The following GABRR2 variants were observed in gnomAD, a reference collection of about 807,000 sequenced individuals.
GABRR2 encodes gamma-aminobutyric acid receptor subunit rho-2.
A neutral mutation model predicts 47.0 loss-of-function variants in GABRR2; 36 were observed. That is an observed-to-expected ratio of 0.77 (90% CI 0.59 to 1.01). The LOEUF (loss-of-function observed/expected upper bound fraction) is 1.01, where lower values mean the gene tolerates loss of function less well. Among genes scored for constraint, GABRR2 ranks in the 50% least tolerant of loss-of-function variants. The pLI, the probability that GABRR2 is intolerant of heterozygous loss-of-function variation, is 0.00. For missense variants in GABRR2, 587 were observed against 594.6 expected (o/e 0.99, Z 0.13); for synonymous variants, 204 against 227.5 (o/e 0.90, Z 0.93).
At chr6:89,265,835 C>G in intron 6 of GABRR2, 70 bp from the exon 7 acceptor site, 1 of 1,493,352 alleles carries the variant, frequency 6.7e-7, no homozygotes, top group Non-Finnish European at 9.2e-7. Flanking sequence ...CCCTGGGAAC[C>G]CGTCTTTCAC....
At chr6:89,280,251 T>TATACATAC (rs1774236240) in intron 2 of GABRR2, among the ~76,000 whole-genome samples, 1 of 102,986 alleles carries the variant, frequency 9.7e-6, no homozygotes, top group Non-Finnish European at 2.1e-5. Context: ...TATATATATA[T>TATACATAC]ATACATACAT....
intron 1 of GABRR2, among the ~76,000 whole-genome samples, chr6:89,311,433 C>G (rs1280586869): frequency 6.6e-6 from 1 of 152,160 alleles, no homozygotes; most frequent in African/African-American, 2.4e-5. Flanking sequence ...GATCCTGAGC[C>G]TTGGGCTATT....
At chr6:89,278,001 A>G (rs966760438) in intron 2 of GABRR2, among the ~76,000 whole-genome samples, 1 of 152,254 alleles carries the variant, frequency 6.6e-6, no homozygotes, top group Non-Finnish European at 1.5e-5. Context: ...CAGAAGACAT[A>G]CACAAAAATA....
At chr6:89,260,519 G>A (rs1415836564) in intron 8 of GABRR2, among the ~76,000 whole-genome samples, 1 of 152,204 alleles carries the variant, frequency 6.6e-6, no homozygotes, top group East Asian at 1.9e-4. Flanking sequence ...GGGGAGGTAA[G>A]CCCTGGGCTC....
rs781571990 is a variant in GABRR2, at chr6:89,271,722, C to G, written c.221G>C (p.Gly74Ala). ...HDFSMRPAFG[G>A]PAIPVGVDVQ... ...GTCCACGCCCACCGGGATGGCAGGGCCTGCAGAAGAGCAGAGACAGCTGGT... is the reference window on the plus strand; with the variant it reads ...GTCCACGCCCACCGGGATGGCAGGGGCTGCAGAAGAGCAGAGACAGCTGGT... Residue 74 changes from glycine to alanine, a missense_variant and splice_region_variant, in exon 3 of 9, where the codon GGC becomes GCC. Gly to Ala is a moderately conservative substitution (Grantham distance 60, BLOSUM62 0). Coordinates refer to ENST00000402938, the MANE Select transcript of GABRR2 (RefSeq NM_002043.5). 6.2e-7 allele frequency: 1 copy of G among 1,611,486 alleles called. No individual in the cohort carries two copies. Among genetic ancestry groups the G allele is most frequent in the Non-Finnish European group, 8.5e-7 (1 of 1,178,824 alleles).
At chr6:89,289,775 G>A (rs144110088) in intron 2 of GABRR2, among the ~76,000 whole-genome samples, 1 of 152,266 alleles carries the variant, frequency 6.6e-6, no homozygotes, top group African/African-American at 2.4e-5. Flanking sequence ...CCTGAGGCTG[G>A]GTAATTTATA....
intron 1 of GABRR2, among the ~76,000 whole-genome samples, chr6:89,304,082 A>G (rs1031555702): frequency 1.3e-5 from 2 of 152,250 alleles, no homozygotes; most frequent in East Asian, 1.9e-4. Context: ...AAGCAATTAC[A>G]GCAAAACCAA....
At chr6:89,288,072 C>T (rs181690673) in intron 2 of GABRR2, among the ~76,000 whole-genome samples, 1 of 152,300 alleles carries the variant, frequency 6.6e-6, no homozygotes, top group Admixed American at 6.5e-5. Flanking sequence ...TAACACTTCT[C>T]CTAGCAAGAG....
chr6:89,304,339 G>A (rs1275025751), intron 1 of GABRR2, among the ~76,000 whole-genome samples: 1 of 152,186 alleles, frequency 6.6e-6, no homozygotes, highest in African/African-American at 2.4e-5. Context: ...GCTGAGGCAG[G>A]AGGATCACTT....
chr6:89,270,059 G>A (rs3777529), intron 3 of GABRR2, among the ~76,000 whole-genome samples: 1 of 152,324 alleles, frequency 6.6e-6, no homozygotes, highest in Non-Finnish European at 1.5e-5. Flanking sequence ...GAATGAGTGA[G>A]CACTGGGATA....
chr6:89,305,659 C>G (rs188777267), intron 1 of GABRR2, among the ~76,000 whole-genome samples: 121 of 152,162 alleles, frequency 8.0e-4, no homozygotes, highest in African/African-American at 2.8e-3. Context: ...GAGATTATGT[C>G]CTTTAGCTGG....
chr6:89,278,099 C>T (rs1774198414), intron 2 of GABRR2, among the ~76,000 whole-genome samples: 1 of 152,154 alleles, frequency 6.6e-6, no homozygotes, highest in South Asian at 2.1e-4. Flanking sequence ...TGTATTCATA[C>T]AATGGAATTT....
chr6:89,302,774 C>T, intron 1 of GABRR2: 11 of 1,444,584 alleles, frequency 7.6e-6, no homozygotes, highest in Non-Finnish European at 1.9e-6. Context: ...AGAGCAAGAA[C>T]AGCAGCTACT....
At chr6:89,299,930 G>A in intron 1 of GABRR2, 65 bp from the exon 2 acceptor site, 1 of 1,056,690 alleles carries the variant, frequency 9.5e-7, no homozygotes, top group Non-Finnish European at 1.5e-6. Context: ...GATGATTTGG[G>A]CTATTACTCC....
chr6:89,284,928 A>G (rs1774308360), intron 2 of GABRR2, among the ~76,000 whole-genome samples: 1 of 151,758 alleles, frequency 6.6e-6, no homozygotes, highest in African/African-American at 2.4e-5. Context: ...TGCATAAACT[A>G]TAAAGAATAT....
At chr6:89,265,892 T>C (rs925130176) in intron 6 of GABRR2, 127 bp from the exon 7 acceptor site, 11 of 857,424 alleles carry the variant, frequency 1.3e-5, no homozygotes, top group Non-Finnish European at 2.0e-5. Context: ...AATGACCAGT[T>C]GGCTTAATAT....
chr6:89,260,246 C>G (rs949109081), intron 8 of GABRR2, among the ~76,000 whole-genome samples: 3 of 152,172 alleles, frequency 2.0e-5, no homozygotes, highest in African/African-American at 7.2e-5. Flanking sequence ...CACACCCAAA[C>G]TGATAAAATT....
In GABRR2 at chr6:89,288,427, C is replaced by T. The variant is rs548537660; in HGVS notation, c.220+11332G>A. Among the ~76,000 whole-genome samples, 102 of 152,136 alleles carry T rather than the reference C, an allele frequency of 6.7e-4. No homozygotes were observed. In the South Asian group the frequency reaches 0.02, roughly 29 times the overall value. On this transcript the variant is annotated intron_variant, in intron 2 of 8. Coordinates refer to ENST00000402938, the MANE Select transcript of GABRR2 (RefSeq NM_002043.5). ...TGGGGTCTTCAGCCCAGGCACCAGA[C>T]ACAAGCATGAAAACACCTTCGAGTG...
At chr6:89,293,942 G>A (rs1385225807) in intron 2 of GABRR2, among the ~76,000 whole-genome samples, 3 of 152,180 alleles carry the variant, frequency 2.0e-5, no homozygotes, top group African/African-American at 7.2e-5. Flanking sequence ...ACTGATCCAT[G>A]GGATTATTAG....
Sources: gnomAD v4.1 joint callset for allele counts (sites outside exome capture counted in the v4.1 genomes callset) on GRCh38, gnomAD v4.1.1 for gene constraint, MANE v1.5 for transcripts, NCBI Gene and HGNC (gene_info 2026-07-23, HGNC 2026-07-21) for gene names.